CD109: variants seen among roughly 807,000 people sequenced by gnomAD.
CD109 encodes the protein CD109 antigen.
Under a neutral mutation model 165.8 loss-of-function variants are expected in CD109, and 149 were observed. That is an observed-to-expected ratio of 0.90 (90% CI 0.79 to 1.03). CD109 has a LOEUF of 1.03. Ranked by LOEUF, CD109 falls within the 50% of genes least tolerant of loss-of-function variation. The pLI is 0.00. For synonymous variants in CD109, 585 were observed against 592.1 expected (o/e 0.99, Z 0.18); for missense variants, 1,712 against 1,677.8 (o/e 1.02, Z -0.36).
chr6:73,791,186 C>CATATATATAT (rs1236914922), intron 22 of CD109, among the ~76,000 whole-genome samples: 1 of 18,390 alleles, frequency 5.4e-5, no homozygotes, highest in Non-Finnish European at 9.3e-5. Flanking sequence ...TACACACACA[C>CATATATATAT]ACATACATAT....
chr6:73,803,525 TTGTGTG>T (rs147157413), intron 24 of CD109, among the ~76,000 whole-genome samples: 3 of 151,128 alleles, frequency 2.0e-5, no homozygotes, highest in Admixed American at 6.6e-5. Flanking sequence ...ATCCTCTTTT[TTGTGTG>T]TGTGTGTGTG....
chr6:73,697,161 A>T (rs528868466), intron 1 of CD109, among the ~76,000 whole-genome samples: 1 of 152,306 alleles, frequency 6.6e-6, no homozygotes, highest in East Asian at 1.9e-4. Context: ...AAATAATAAC[A>T]CAGGCCTTCC....
chr6:73,813,004 C>A (rs79570594), intron 29 of CD109, among the ~76,000 whole-genome samples: 3,611 of 151,970 alleles, frequency 0.024, 162 homozygotes, highest in African/African-American at 0.082. Context: ...TTTCAAAAAC[C>A]AGAACAACCA....
At chr6:73,684,355 G>A in the CD109 span, among the ~76,000 whole-genome samples, 1 of 151,822 alleles carries the variant, frequency 6.6e-6, no homozygotes, top group South Asian at 2.1e-4. Flanking sequence ...AAGTAGCTGG[G>A]ACTACAGCTG....
chr6:73,680,179 TTTCC>T, the CD109 span, among the ~76,000 whole-genome samples: 1 of 152,218 alleles, frequency 6.6e-6, no homozygotes, highest in Admixed American at 6.5e-5. Context: ...ACAATGTCTA[TTTCC>T]TAACTATATT....
Position 73,810,022 on chromosome 6 carries a change from T to C in CD109, c.3394T>C (p.Ser1132Pro). 2 of 1,596,260 alleles carry C rather than the reference T, an allele frequency of 1.3e-6. No homozygotes were observed. The highest frequency in any genetic ancestry group is 1.7e-6 in the Non-Finnish European group (2 of 1,173,874). Residue 1132 changes from serine to proline, a missense_variant, in exon 27 of 33, where the codon TCT (serine) becomes CCT (proline). Coordinates refer to ENST00000287097, the MANE Select transcript of CD109 (RefSeq NM_133493.5). ...QFWVSSESKL[S>P]DSWQPRSLDI... is the part of the protein sequence containing the mutation. ...CTGGGTGTCATCAGAGTCCAAACTTTCTGACTCCTGGCAGCCACGCTCCCT... is the reference window on the plus strand; with the variant it reads ...CTGGGTGTCATCAGAGTCCAAACTTCCTGACTCCTGGCAGCCACGCTCCCT...
intron 15 of CD109, among the ~76,000 whole-genome samples, chr6:73,772,279 G>A (rs1421274100): frequency 3.3e-5 from 5 of 152,118 alleles, no homozygotes; most frequent in African/African-American, 1.2e-4. Flanking sequence ...GCCGAGGTGG[G>A]TGGATCACGA....
At chr6:73,734,472 A>G (rs923415620) in intron 4 of CD109, among the ~76,000 whole-genome samples, 12 of 152,230 alleles carry the variant, frequency 7.9e-5, no homozygotes, top group African/African-American at 2.7e-4. Flanking sequence ...TAGACAGCAT[A>G]TATTTATTGG....
intron 16 of CD109, among the ~76,000 whole-genome samples, 156 bp from the exon 17 acceptor site, chr6:73,781,103 T>G (rs554057811): frequency 1.3e-4 from 20 of 151,006 alleles, no homozygotes; most frequent in Admixed American, 3.3e-4. Context: ...GTGTGTGTGT[T>G]TGAGTGAGAG....
At chr6:73,683,367 C>T in the CD109 span, among the ~76,000 whole-genome samples, 22 of 152,270 alleles carry the variant, frequency 1.4e-4, no homozygotes, top group African/African-American at 4.8e-4. Context: ...CAAAACATAA[C>T]GAGAATCACC....
In CD109 at chr6:73,783,694, A is replaced by G; in HGVS notation, c.2106-13A>G. On this transcript the variant is annotated splice_polypyrimidine_tract_variant and intron_variant, in intron 18 of 32. Transcript: ENST00000287097. ...TGGTTTTGTGATGTTTATATTTATT[A>G]TCTTGACTTCAGTTACAGGATTTAC... 2 of 1,412,474 alleles carry G rather than the reference A, an allele frequency of 1.4e-6. No individual in the cohort carries two copies. Among genetic ancestry groups the G allele is most frequent in the Non-Finnish European group, 2.0e-6 (2 of 997,260 alleles). 87.5% of individuals were successfully genotyped at this position (1,412,474 alleles called of 1,614,324 possible).
intron 21 of CD109, 101 bp from the exon 22 acceptor site, chr6:73,788,367 C>A: frequency 1.0e-6 from 1 of 980,804 alleles, no homozygotes; most frequent in Admixed American, 2.9e-5. Context: ...ACACACAAAC[C>A]TCAGACACAA....
chr6:73,696,352 G>C (rs1281269761), intron 1 of CD109, 63 bp downstream of exon 1: 37 of 1,309,224 alleles, frequency 2.8e-5, no homozygotes, highest in Middle Eastern at 5.6e-4. Context: ...TGCGGCTCTG[G>C]GCCAGGGCTT....
At chr6:73,785,210 G>T (rs148662391) in intron 19 of CD109, among the ~76,000 whole-genome samples, 154 bp from the exon 20 acceptor site, 1 of 152,162 alleles carries the variant, frequency 6.6e-6, no homozygotes, top group African/African-American at 2.4e-5. Context: ...TCATTCATTT[G>T]TGATAAGTTG....
At chr6:73,726,956 C>T (rs1772161349) in intron 3 of CD109, among the ~76,000 whole-genome samples, 1 of 152,120 alleles carries the variant, frequency 6.6e-6, no homozygotes, top group South Asian at 2.1e-4. Context: ...TGTTTAAGAG[C>T]CATGGAAGTC....
At chr6:73,729,197 G>A (rs1028320903) in intron 3 of CD109, among the ~76,000 whole-genome samples, 1 of 152,186 alleles carries the variant, frequency 6.6e-6, no homozygotes, top group Non-Finnish European at 1.5e-5. Context: ...AGACAACAGG[G>A]AAGAAGGTAT....
chr6:73,750,157 C>A (rs1056348580), intron 5 of CD109, among the ~76,000 whole-genome samples: 1 of 152,042 alleles, frequency 6.6e-6, no homozygotes, highest in Non-Finnish European at 1.5e-5. Flanking sequence ...GACTGGATTT[C>A]GATTGGAGCA....
chr6:73,802,255 ATATGTGTGTG>A (rs1449333530), intron 23 of CD109, among the ~76,000 whole-genome samples: 3 of 118,266 alleles, frequency 2.5e-5, no homozygotes, highest in African/African-American at 1.1e-4. Flanking sequence ...GAGCATGTGT[ATATGTGTGTG>A]TGTGTGTGTG....
chr6:73,818,478 C>A lies in CD109; in HGVS notation c.4002C>A (p.Ser1334Arg), dbSNP rs757991614. 4.3e-6 allele frequency: 7 copies of A among 1,613,278 alleles called. No homozygotes were observed. The highest frequency in any genetic ancestry group is 2.2e-5 in the East Asian group (1 of 44,832). Residue 1334 changes from serine to arginine, a missense_variant, in exon 31 of 33, where the codon AGC becomes AGA. Physicochemically the swap from Ser to Arg is moderately radical, Grantham distance 110. Transcript: ENST00000287097. ...FMVPSEAISL[S>R]ETVKKVEYDH... ...TGCCTTCAGAAGCAATTTCTCTGAG[C>A]GAGACAGTGAAGAAAGTGGAATATG...
Sources: allele counts gnomAD v4.1 joint callset (sites outside exome capture counted in the v4.1 genomes callset), GRCh38; gene constraint gnomAD v4.1.1; transcripts MANE v1.5; gene names NCBI Gene and HGNC (gene_info 2026-07-23, HGNC 2026-07-21).